The following WWC2 variants were observed in gnomAD, a reference collection of about 807,000 sequenced individuals.
WWC2 encodes WW and C2 domain containing 2, also known as protein WWC2.
A neutral mutation model predicts 138.5 loss-of-function variants in WWC2; 101 were observed. The ratio of observed to expected loss-of-function variants is 0.73; its 90% CI spans 0.62 to 0.86. WWC2 has a LOEUF of 0.86. Among genes scored for constraint, WWC2 ranks in the 40% least tolerant of loss-of-function variants. The pLI is 0.00. For missense variants in WWC2, 1,420 were observed against 1,419.4 expected (o/e 1.00, Z -0.01); for synonymous variants, 558 against 538.4 (o/e 1.04, Z -0.50).
intron 1 of WWC2, among the ~76,000 whole-genome samples, chr4:183,132,626 T>A (rs1294568587): frequency 6.6e-6 from 1 of 151,972 alleles, no homozygotes; most frequent in Non-Finnish European, 1.5e-5. Flanking sequence ...GCTAATTTTT[T>A]GTATTTTTAG....
At chr4:183,300,259 T>C (rs1257491187) in intron 21 of WWC2, among the ~76,000 whole-genome samples, 1 of 152,044 alleles carries the variant, frequency 6.6e-6, no homozygotes, top group African/African-American at 2.4e-5. Flanking sequence ...TTATCGTGAT[T>C]CGTTGGGTGA....
At chr4:183,189,498 T>G (rs577804975) in intron 1 of WWC2, among the ~76,000 whole-genome samples, 7 of 152,248 alleles carry the variant, frequency 4.6e-5, no homozygotes, top group Admixed American at 1.3e-4. Flanking sequence ...TGAAGATTCT[T>G]TTAGGACTGT....
chr4:183,193,495 A>G, intron 1 of WWC2, 104 bp from the exon 2 acceptor site: 1 of 938,066 alleles, frequency 1.1e-6, no homozygotes, highest in African/African-American at 1.7e-5. Flanking sequence ...TTTTTTCTTT[A>G]AGATTTTAAA....
chr4:183,271,299 T>C, intron 16 of WWC2, 58 bp downstream of exon 16: 4 of 1,352,358 alleles, frequency 3.0e-6, no homozygotes, highest in African/African-American at 3.0e-5. Context: ...ATGAAATACA[T>C]ATATGAAAGT....
At chr4:183,172,760 A>G (rs1381989331) in intron 1 of WWC2, among the ~76,000 whole-genome samples, 1 of 151,592 alleles carries the variant, frequency 6.6e-6, no homozygotes, top group Non-Finnish European at 1.5e-5. Flanking sequence ...AGTTTAGGGA[A>G]ATTTTCTTGC....
rs187041613 is a variant in WWC2, at chr4:183,220,638, T to G, written c.522+11613T>G. On this transcript the variant is annotated intron_variant, in intron 4 of 22. Coordinates refer to ENST00000403733, the MANE Select transcript of WWC2 (RefSeq NM_024949.6). ...TCACAAGGTCAGGAGATTGAGACCATCCTGGCTAACACAGTGAAACGCCAT... is the reference window on the plus strand; with the variant it reads ...TCACAAGGTCAGGAGATTGAGACCAGCCTGGCTAACACAGTGAAACGCCAT... Among the ~76,000 whole-genome samples the G allele has an allele frequency of 3.9e-4, 59 of 151,508 alleles. 1 individual carries two copies. Among genetic ancestry groups the G allele is most frequent in the Non-Finnish European group, 6.9e-4 (47 of 67,928 alleles).
At position 183,245,451 on chromosome 4, in the gene WWC2, A is replaced by T. The variant is rs371530282; in HGVS notation, c.638A>T (p.Tyr213Phe). The T allele has an allele frequency of 6.2e-7, 1 of 1,600,546 alleles. No homozygotes were observed. The highest frequency in any genetic ancestry group is 8.5e-7 in the Non-Finnish European group (1 of 1,175,458). ...DKKMSGGQSG[Y>F]ELSEAKAILT... is the part of the protein sequence containing the mutation. ...AAAATGTCTGGAGGCCAGAGCGGGT[A>T]TGAACTCAGTGAAGCCAAAGCCATT... is the stretch of plus-strand genomic sequence containing the variant. Residue 213 changes from tyrosine to phenylalanine, a missense_variant, in exon 6 of 23, where the codon TAT becomes TTT. Coordinates refer to ENST00000403733, the MANE Select transcript of WWC2 (RefSeq NM_024949.6).
At chr4:183,254,750 C>T (rs1737085252) in intron 9 of WWC2, among the ~76,000 whole-genome samples, 1 of 152,158 alleles carries the variant, frequency 6.6e-6, no homozygotes, top group African/African-American at 2.4e-5. Context: ...CATGTACATC[C>T]TTTAGGCCAG....
At chr4:183,148,853 A>C (rs1485268642) in intron 1 of WWC2, among the ~76,000 whole-genome samples, 2 of 152,192 alleles carry the variant, frequency 1.3e-5, no homozygotes, top group African/African-American at 4.8e-5. Context: ...CCAGCCGGGC[A>C]CAGTAGCTCA....
intron 22 of WWC2, among the ~76,000 whole-genome samples, chr4:183,314,497 G>A (rs1427600185): frequency 3.9e-5 from 6 of 152,204 alleles, no homozygotes; most frequent in African/African-American, 9.6e-5. Flanking sequence ...CACGGCTACC[G>A]TTGCCTGGCC....
intron 1 of WWC2, among the ~76,000 whole-genome samples, chr4:183,178,418 A>AAATAAATT (rs1553965345): frequency 9.4e-5 from 14 of 148,556 alleles, no homozygotes; most frequent in African/African-American, 2.2e-4. Flanking sequence ...ATAAATAAAT[A>AAATAAATT]AATTTAAAAA....
At chr4:183,242,983 G>T (rs968722854) in intron 5 of WWC2, among the ~76,000 whole-genome samples, 3 of 152,126 alleles carry the variant, frequency 2.0e-5, no homozygotes, top group Non-Finnish European at 4.4e-5. Context: ...TTCAAAGGAG[G>T]CAAAAGAAAA....
In WWC2 at chr4:183,312,257, C is replaced by A. The variant is rs968382670; in HGVS notation, c.3385-84C>A. ...TGCTTGCCCTCCTGACTTTAGTCCA[C>A]AATCTTTGAAGCTTCATAGGATGTC... On this transcript the variant is annotated intron_variant, in intron 21 of 22. Coordinates refer to ENST00000403733, the MANE Select transcript of WWC2 (RefSeq NM_024949.6). 70 of 1,562,400 alleles carry A rather than the reference C, an allele frequency of 4.5e-5. No individual in the cohort carries two copies. In the African/African-American group the frequency reaches 8.7e-4, roughly 19 times the overall value.
In WWC2 at chr4:183,315,690, AAAG is replaced by A; in HGVS notation, c.3542_3544del (p.Lys1181del). 1 of 1,613,536 alleles carries A rather than the reference AAAG, an allele frequency of 6.2e-7. No individual in the cohort carries two copies. The highest frequency in any genetic ancestry group is 8.5e-7 in the Non-Finnish European group (1 of 1,179,668). ...AGAAGATTGCCTACTTCACCAGAGC[AAAG>A]ATAAGCATCCCATCCCTGCCAGCTG... is the stretch of plus-strand genomic sequence containing the variant. On this transcript the variant is annotated inframe_deletion, in exon 23 of 23. Coordinates refer to ENST00000403733, the MANE Select transcript of WWC2 (RefSeq NM_024949.6).
intron 21 of WWC2, among the ~76,000 whole-genome samples, chr4:183,307,422 A>G (rs1289052758): frequency 1.3e-5 from 2 of 152,218 alleles, no homozygotes; most frequent in Non-Finnish European, 2.9e-5. Flanking sequence ...GAACAGAAGC[A>G]AAGAGAATTC....
chr4:183,118,182 G>T (rs1029534180), intron 1 of WWC2, among the ~76,000 whole-genome samples: 1 of 152,156 alleles, frequency 6.6e-6, no homozygotes, highest in South Asian at 2.1e-4. Flanking sequence ...CGATTGCCAC[G>T]TTATAGTTTG....
intron 2 of WWC2, among the ~76,000 whole-genome samples, chr4:183,199,871 T>A (rs2111223975): frequency 6.6e-6 from 1 of 152,300 alleles, no homozygotes; most frequent in East Asian, 1.9e-4. Context: ...AAACAGCAAA[T>A]TATATTATAA....
intron 21 of WWC2, among the ~76,000 whole-genome samples, chr4:183,295,950 C>T (rs971213412): frequency 1.3e-5 from 2 of 152,224 alleles, no homozygotes; most frequent in Non-Finnish European, 2.9e-5. Context: ...TGGGAGCTGT[C>T]ATCTCTGTCA....
intron 1 of WWC2, among the ~76,000 whole-genome samples, chr4:183,104,967 C>T (rs1260584048): frequency 4.6e-5 from 7 of 152,266 alleles, no homozygotes; most frequent in Non-Finnish European, 8.8e-5. Context: ...AGTGCAGTGA[C>T]ACAATCTCGT....
Sources: allele counts gnomAD v4.1 joint callset (sites outside exome capture counted in the v4.1 genomes callset), GRCh38; gene constraint gnomAD v4.1.1; transcripts MANE v1.5; gene names NCBI Gene and HGNC (gene_info 2026-07-23, HGNC 2026-07-21).